Variants in SRSF10 observed in about 807,000 individuals in gnomAD.
SRSF10 encodes serine/arginine-rich splicing factor 10.
SRSF10 carries 9 observed loss-of-function variants against 32.6 expected under a neutral mutation model. That is an observed-to-expected ratio of 0.28 (90% CI 0.17 to 0.48). SRSF10 has a LOEUF of 0.48. Ranked by LOEUF, SRSF10 falls within the 20% of genes least tolerant of loss-of-function variation. The pLI, the probability that SRSF10 is intolerant of heterozygous loss-of-function variation, is 0.99. For synonymous variants in SRSF10, 105 were observed against 112.4 expected, an observed-to-expected ratio of 0.93 and a Z score of 0.42; for missense variants, 201 against 331.8, an observed-to-expected ratio of 0.61 and a Z score of 3.06.
At chr1:23,974,231 C>CTGGGAT (rs1641946193) in intron 3 of SRSF10, among the ~76,000 whole-genome samples, 1 of 152,126 alleles carries the variant, frequency 6.6e-6, no homozygotes. Context: ...TCCCAAAGTG[C>CTGGGAT]TGGGATTACA....
At position 23,967,073 on chromosome 1, in the gene SRSF10, A is replaced by C. The variant is rs1309451700; in HGVS notation, c.*4069T>G. 6.6e-6 allele frequency: 1 copy of C among 152,244 alleles called. No homozygotes were observed. Among genetic ancestry groups the C allele is most frequent in the East Asian group, 1.9e-4 (1 of 5,208 alleles). The allele number at this position is 152,244 out of a possible 1,614,324, so 9.4% of individuals were successfully genotyped here. ...ATATTTGCTGAATATACTGACTAGG[A>C]AAGAGGTGAGAAGAGATGGGCCCTC... On this transcript the variant is annotated 3_prime_UTR_variant, in exon 6 of 6. Transcript: ENST00000492112.
intron 3 of SRSF10, 135 bp downstream of exon 3, chr1:23,974,839 A>AC (rs1368251837): frequency 1.4e-6 from 1 of 725,800 alleles, no homozygotes; most frequent in Non-Finnish European, 2.3e-6. Context: ...TCTCAAAAAA[A>AC]AAAAAGAAAG....
At chr1:23,979,054 CTT>C (rs1642251986) in intron 1 of SRSF10, 1 of 44,806 alleles carries the variant, frequency 2.2e-5, no homozygotes, top group East Asian at 4.8e-4. Context: ...GTATATAAGC[CTT>C]GTTTTTTTTT....
Position 23,967,715 on chromosome 1 carries a change from C to G in SRSF10, c.*3427G>C. The G allele has an allele frequency of 6.2e-7, 1 of 1,610,054 alleles. No individual in the cohort carries two copies. On this transcript the variant is annotated 3_prime_UTR_variant, in exon 6 of 6. Transcript: ENST00000492112. ...AGAACTGTACTGGGTATTCCAGCTG[C>G]AGTTTGGTCTTAAATAAAAGAAGGA...
At position 23,966,542 on chromosome 1, in the gene SRSF10, T is replaced by C. The variant is rs1183838851; in HGVS notation, c.*4600A>G. 1 of 152,036 alleles carries C rather than the reference T, an allele frequency of 6.6e-6. No individual in the cohort carries two copies. Among genetic ancestry groups the C allele is most frequent in the Non-Finnish European group, 1.5e-5 (1 of 67,882 alleles). The allele number at this position is 152,036 out of a possible 1,614,324, so 9.4% of individuals were successfully genotyped here. On this transcript the variant is annotated 3_prime_UTR_variant, in exon 6 of 6. Transcript: ENST00000492112. ...ACTAAAAAGTATAATTTGGTGAACATTTTCTCAATTACAGAACATACTAAA... is the reference window on the plus strand; with the variant it reads ...ACTAAAAAGTATAATTTGGTGAACACTTTCTCAATTACAGAACATACTAAA...
In SRSF10 at chr1:23,967,163, G is replaced by A. The variant is rs1641495171; in HGVS notation, c.*3979C>T. 6.5e-6 allele frequency: 1 copy of A among 153,528 alleles called. No individual in the cohort carries two copies. Among genetic ancestry groups the A allele is most frequent in the South Asian group, 2.0e-4 (1 of 4,950 alleles). 9.5% of individuals were successfully genotyped at this position (153,528 alleles called of 1,614,324 possible). A position where few individuals can be genotyped will look rare whatever the true frequency, so the allele number is the denominator to read the frequency against. ...GGAGTAGTTAAGACAGATGTAAACT[G>A]CATGTGGTGTACAAGTAAATAAACA... On this transcript the variant is annotated 3_prime_UTR_variant, in exon 6 of 6. Coordinates refer to ENST00000492112, the MANE Select transcript of SRSF10 (RefSeq NM_054016.4).
Position 23,970,051 on chromosome 1 carries a change from ACTT to A in SRSF10, c.*1088_*1090del. On this transcript the variant is annotated 3_prime_UTR_variant, in exon 6 of 6. Coordinates refer to ENST00000492112, the MANE Select transcript of SRSF10 (RefSeq NM_054016.4). ...AAACCTACTTTGAAACAATTTACTT[ACTT>A]AACAGCAGTAAGAAAACTAAGCAAT... 3.0e-6 allele frequency: 3 copies of A among 985,456 alleles called. No individual in the cohort carries two copies. Among genetic ancestry groups the A allele is most frequent in the Non-Finnish European group, 3.6e-6 (3 of 829,932 alleles). The allele number at this position is 985,456 out of a possible 1,614,324, so 61.0% of individuals were successfully genotyped here.
At position 23,970,229 on chromosome 1, in the gene SRSF10, A is replaced by G; in HGVS notation, c.*913T>C. ...TTCCAAATCTTCATAGGAACCAGAA[A>G]AAAAGCAGTGAAGGCTCCATGTTTC... On this transcript the variant is annotated 3_prime_UTR_variant, in exon 6 of 6. Coordinates refer to ENST00000492112, the MANE Select transcript of SRSF10 (RefSeq NM_054016.4). 1 of 985,442 alleles carries G rather than the reference A, an allele frequency of 1.0e-6. No individual in the cohort carries two copies. The allele number at this position is 985,442 out of a possible 1,614,324, so 61.0% of individuals were successfully genotyped here.
chr1:23,968,389 AAC>A lies in SRSF10; in HGVS notation c.*2751_*2752del, dbSNP rs1641563015. ...CTCTCAAATTATAGTCTGTAAAACA[AAC>A]AAAACCCCCCCAAAACTAAGGGACC... On this transcript the variant is annotated 3_prime_UTR_variant, in exon 6 of 6. Transcript: ENST00000492112. Among the ~76,000 whole-genome samples, 1 of 152,140 alleles carries A rather than the reference AAC, an allele frequency of 6.6e-6. No individual in the cohort carries two copies. The highest frequency in any genetic ancestry group is 6.6e-5 in the Admixed American group (1 of 15,264).
intron 1 of SRSF10, 151 bp downstream of exon 1, chr1:23,980,040 C>A (rs1642367262): frequency 1.2e-6 from 1 of 823,694 alleles, no homozygotes; most frequent in Non-Finnish European, 1.8e-6. Context: ...GGCTGAGGCC[C>A]GCTGCGCGGC....
chr1:23,980,212 C>A lies in SRSF10; in HGVS notation c.44G>T (p.Arg15Met). ...CTACCTGGTGTCGTCGGCCACGTTC[C>A]TGACGAACAGAGACGTGTTGGGGGG... ...LRPPNTSLFV[R>M]NVADDTRSED... is the part of the protein sequence containing the mutation. The change falls in exon 1 of 6, where the codon AGG (arginine) becomes ATG (methionine). Residue 15 changes from arginine to methionine, a missense_variant. This residue lies in a region of SRSF10 where 41 missense variants were observed against 109.5 expected (regional missense o/e 0.37). Transcript: ENST00000492112. The A allele has an allele frequency of 6.5e-7, 1 of 1,530,614 alleles. No individual in the cohort carries two copies. Among genetic ancestry groups the A allele is most frequent in the East Asian group, 2.7e-5 (1 of 37,342 alleles). The allele number at this position is 1,530,614 out of a possible 1,614,324, so 94.8% of individuals were successfully genotyped here. A position where few individuals can be genotyped will look rare whatever the true frequency, so the allele number is the denominator to read the frequency against.
At chr1:23,980,077 G>T in intron 1 of SRSF10, 114 bp downstream of exon 1, 2 of 1,192,494 alleles carry the variant, frequency 1.7e-6, no homozygotes, top group South Asian at 1.5e-5. Flanking sequence ...GCGGGCGCGG[G>T]ACCCGCCATC....
rs997758074 is a variant in SRSF10, at chr1:23,965,520, C to T, written c.*5622G>A. ...CACATGATGGGTATTCTACAAAGGA[C>T]AATTTTCTCATCTGTAAAATGGGAA... On this transcript the variant is annotated 3_prime_UTR_variant, in exon 6 of 6. Coordinates refer to ENST00000492112, the MANE Select transcript of SRSF10 (RefSeq NM_054016.4). 3 of 152,014 alleles carry T rather than the reference C, an allele frequency of 2.0e-5. No homozygotes were observed. In the South Asian group the frequency reaches 6.2e-4, roughly 31 times the overall value. The allele number at this position is 152,014 out of a possible 1,614,324, so 9.4% of individuals were successfully genotyped here.
intron 3 of SRSF10, among the ~76,000 whole-genome samples, chr1:23,973,352 G>C (rs1641887351): frequency 6.6e-6 from 1 of 152,128 alleles, no homozygotes; most frequent in Non-Finnish European, 1.5e-5. Context: ...TTTGTTTTGA[G>C]ATTGGGTCTT....
At chr1:23,980,071 G>A (rs1027108782) in intron 1 of SRSF10, 120 bp downstream of exon 1, 2 of 1,140,786 alleles carry the variant, frequency 1.8e-6, no homozygotes, top group African/African-American at 1.6e-5. Flanking sequence ...GCCAAAGCGG[G>A]CGCGGGACCC....
At position 23,969,316 on chromosome 1, in the gene SRSF10, CTTT is replaced by C; in HGVS notation, c.*1823_*1825del. ...AACTACTGCTACAGTTTTAAATAGA[CTTT>C]TTGTTGTTTAAACTATACATCCAGG... On this transcript the variant is annotated 3_prime_UTR_variant, in exon 6 of 6. Transcript: ENST00000492112. 13 of 985,080 alleles carry C rather than the reference CTTT, an allele frequency of 1.3e-5. No homozygotes were observed. Among genetic ancestry groups the C allele is most frequent in the Non-Finnish European group, 1.6e-5 (13 of 829,264 alleles). 61.0% of individuals were successfully genotyped at this position (985,080 alleles called of 1,614,324 possible). A position where few individuals can be genotyped will look rare whatever the true frequency, so the allele number is the denominator to read the frequency against.
At position 23,971,560 on chromosome 1, in the gene SRSF10, C is replaced by G; in HGVS notation, c.491+13G>C. 1 of 1,607,178 alleles carries G rather than the reference C, an allele frequency of 6.2e-7. No individual in the cohort carries two copies. The highest frequency in any genetic ancestry group is 8.5e-7 in the Non-Finnish European group (1 of 1,178,812). On this transcript the variant is annotated intron_variant, in intron 5 of 5. Transcript: ENST00000492112. ...AAAAATACATGAGTCTTTTTCAAAGCAAAGTTATTTACCTATCATTGTCGG... is the reference window on the plus strand; with the variant it reads ...AAAAATACATGAGTCTTTTTCAAAGGAAAGTTATTTACCTATCATTGTCGG...
intron 2 of SRSF10, chr1:23,975,779 C>T (rs2148508708): frequency 6.6e-6 from 1 of 152,286 alleles, no homozygotes; most frequent in Non-Finnish European, 1.5e-5. Flanking sequence ...AGAAACAGAC[C>T]ACTGGAAGGA....
rs1570794380 is a variant in SRSF10 at position 23,979,041 on chromosome 1, G to A, written c.66-224C>T. 6 of 158,714 alleles carry A rather than the reference G, an allele frequency of 3.8e-5. No individual in the cohort carries two copies. The South Asian group carries it at 5.6e-4, about 15-fold the overall frequency. 9.8% of individuals were successfully genotyped at this position (158,714 alleles called of 1,614,324 possible). A position where few individuals can be genotyped will look rare whatever the true frequency, so the allele number is the denominator to read the frequency against. On this transcript the variant is annotated intron_variant, in intron 1 of 5. Transcript: ENST00000492112. ...TTCATAAAAGGTACAGCAGCATTAG[G>A]TTGTATATAAGCCTTGTTTTTTTTT...
Sources: allele counts gnomAD v4.1 joint callset (sites outside exome capture counted in the v4.1 genomes callset), GRCh38; gene constraint gnomAD v4.1.1; regional missense constraint gnomAD v4.1.1; transcripts MANE v1.5; gene names NCBI Gene and HGNC (gene_info 2026-07-23, HGNC 2026-07-21).